The following GAS6 variants were observed in gnomAD, a reference collection of about 807,000 sequenced individuals.
The protein encoded by GAS6 is growth arrest-specific protein 6.
In GAS6, 41 loss-of-function variants were observed where a neutral mutation model predicts 75.8. That is an observed-to-expected ratio of 0.54 (90% CI 0.42 to 0.70). GAS6 has a LOEUF of 0.70. Among genes scored for constraint, GAS6 ranks in the 30% least tolerant of loss-of-function variants. GAS6 has a pLI of 0.00. For missense variants in GAS6, 854 were observed against 940.2 expected, an observed-to-expected ratio of 0.91 and a Z score of 1.20; for synonymous variants, 432 against 412.6, an observed-to-expected ratio of 1.05 and a Z score of -0.57.
intron 13 of GAS6, chr13:113,822,395 G>C: frequency 2.1e-6 from 1 of 477,114 alleles, no homozygotes; most frequent in Middle Eastern, 5.3e-4. Context: ...GTAAAGCCAG[G>C]GGCCAGCCTG....
rs774253972 is a variant in GAS6, at chr13:113,834,616, T to TCA, written c.768_769insTG (p.Ser257Ter). 2.5e-6 allele frequency: 4 copies of TCA among 1,604,342 alleles called. No individual in the cohort carries two copies. The highest frequency in any genetic ancestry group is 3.4e-6 in the Non-Finnish European group (4 of 1,176,388). On this transcript the variant is annotated frameshift_variant, in exon 8 of 15. Coordinates refer to ENST00000327773, the MANE Select transcript of GAS6 (RefSeq NM_000820.4). ...CGCCCGTCACAGTGGCAGGTGTAGC[T>TCA]CCCTGGGGAGTTCACGCAGACCTGC...
rs1469803473 is a variant in GAS6, at chr13:113,827,066, C to T, written c.1407G>A (p.Gln469=). The T allele has an allele frequency of 6.2e-7, 1 of 1,613,652 alleles. No individual in the cohort carries two copies. The highest frequency in any genetic ancestry group is 1.7e-5 in the Admixed American group (1 of 60,022). ...AGCCTCTCTCCGTCACCGAGAAGCACTGCATCCTCGTGTTCACTTTCACCG... is the reference window on the plus strand; with the variant it reads ...AGCCTCTCTCCGTCACCGAGAAGCATTGCATCCTCGTGTTCACTTTCACCG... ...QETVKVNTRM[Q]CFSVTERGSF... Residue 469 remains glutamine, a synonymous_variant, in exon 12 of 15, where the codon CAG becomes CAA. Coordinates refer to ENST00000327773, the MANE Select transcript of GAS6 (RefSeq NM_000820.4).
At chr13:113,860,160 G>A (rs188871562) in intron 2 of GAS6, among the ~76,000 whole-genome samples, 10 of 152,344 alleles carry the variant, frequency 6.6e-5, no homozygotes, top group Middle Eastern at 3.4e-3. Flanking sequence ...CACAGAGGGA[G>A]ACAAAGAAAG....
At position 113,821,083 on chromosome 13, in the gene GAS6, C is replaced by CA. The variant is rs113611778; in HGVS notation, c.1883-66dup. The CA allele has an allele frequency of 8.0e-4, 1,247 of 1,561,496 alleles. 11 individuals are homozygous for CA. In the African/African-American group the frequency reaches 0.015, roughly 19 times the overall value. On this transcript the variant is annotated intron_variant, in intron 14 of 14. Coordinates refer to ENST00000327773, the MANE Select transcript of GAS6 (RefSeq NM_000820.4). ...CGTGGCCGGCCCCGCCTGGCCCCCC[C>CA]ACCCCCGGCAGCGCTTGTGGCCAGC... is the stretch of plus-strand genomic sequence containing the variant.
chr13:113,835,913 C>G, intron 6 of GAS6: 3 of 1,249,522 alleles, frequency 2.4e-6, no homozygotes, highest in South Asian at 2.3e-5. Context: ...GGGTGGGGGG[C>G]GGCGGTGCAC....
intron 9 of GAS6, 59 bp downstream of exon 9, chr13:113,832,575 T>C: frequency 3.1e-6 from 5 of 1,606,362 alleles, no homozygotes; most frequent in Non-Finnish European, 4.3e-6. Context: ...GCCCGGGCCC[T>C]GTGAAGCCAG....
At chr13:113,832,204 G>A (rs1161194997) in intron 10 of GAS6, 95 bp downstream of exon 10, 1 of 1,351,976 alleles carries the variant, frequency 7.4e-7, no homozygotes, top group Non-Finnish European at 1.0e-6. Flanking sequence ...AGGCCCCAGA[G>A]CTCATCTCCT....
chr13:113,850,390 A>G (rs2051864026), intron 2 of GAS6, among the ~76,000 whole-genome samples: 1 of 152,078 alleles, frequency 6.6e-6, no homozygotes, highest in Non-Finnish European at 1.5e-5. Flanking sequence ...TTCTAAACCT[A>G]GGAAGAGCAA....
At chr13:113,852,417 G>C (rs897413939) in intron 2 of GAS6, among the ~76,000 whole-genome samples, 1 of 152,168 alleles carries the variant, frequency 6.6e-6, no homozygotes, top group African/African-American at 2.4e-5. Context: ...CTTCGGTTTC[G>C]TAAGCATGGA....
intron 6 of GAS6, 21 bp downstream of exon 6, chr13:113,838,048 G>A (rs768432435): frequency 3.1e-6 from 5 of 1,610,790 alleles, no homozygotes; most frequent in East Asian, 2.2e-5. Flanking sequence ...AGAGGAGAGA[G>A]GCCTCACCCC....
chr13:113,832,735 C>T lies in GAS6; in HGVS notation c.852G>A (p.Val284=). ...MDTCEDILPC[V]PFSVAKSVKS... ...TCACACTCTTGGCCACGCTGAAGGG[C>T]ACGCACGGCAAGATGTCCTGCCACG... The change falls in exon 9 of 15, where the codon GTG becomes GTA. Residue 284 remains valine (V), a synonymous_variant. Transcript: ENST00000327773. 6.2e-7 allele frequency: 1 copy of T among 1,612,696 alleles called. No individual in the cohort carries two copies.
At chr13:113,854,716 G>C (rs1025008855) in intron 2 of GAS6, among the ~76,000 whole-genome samples, 2 of 152,286 alleles carry the variant, frequency 1.3e-5, no homozygotes, top group Non-Finnish European at 2.9e-5. Context: ...GCAGAGCAGT[G>C]ACTGTCTCTG....
In GAS6 at chr13:113,864,031, C is replaced by CGGCGGA. The variant is rs1243556663; in HGVS notation, c.-112_-111insTCCGCC. 164 of 870,880 alleles carry CGGCGGA rather than the reference C, an allele frequency of 1.9e-4. No homozygotes were observed. Among genetic ancestry groups the CGGCGGA allele is most frequent in the Admixed American group, 3.0e-4 (5 of 16,430 alleles). 53.9% of individuals were successfully genotyped at this position (870,880 alleles called of 1,614,324 possible). ...CCTGGCGGCCCTGAAGGTCACATCG[C>CGGCGGA]GGCGGCGGCGGCGGCGGCGGCTGCG... On this transcript the variant is annotated 5_prime_UTR_variant, in exon 1 of 15. Coordinates refer to ENST00000327773, the MANE Select transcript of GAS6 (RefSeq NM_000820.4).
intron 2 of GAS6, among the ~76,000 whole-genome samples, chr13:113,854,923 G>A (rs1227885487): frequency 6.6e-6 from 1 of 152,216 alleles, no homozygotes; most frequent in Non-Finnish European, 1.5e-5. Context: ...GGGAGCAGAG[G>A]GCGGGGAGGA....
chr13:113,848,102 T>C lies in GAS6; in HGVS notation c.256-52A>G, dbSNP rs781529219. The C allele has an allele frequency of 6.3e-7, 1 of 1,588,218 alleles. No homozygotes were observed. Reference sequence around the variant, plus strand: ...AGCATTGACCGGCACACTACGAGGGTCTCTGAACAACATAAGCATCAGCTG... The same window carrying C: ...AGCATTGACCGGCACACTACGAGGGCCTCTGAACAACATAAGCATCAGCTG... On this transcript the variant is annotated intron_variant, in intron 2 of 14. Transcript: ENST00000327773. The surrounding 1 kb of genome is among the most constrained non-coding windows in gnomAD (Gnocchi z 4.8).
intron 11 of GAS6, among the ~76,000 whole-genome samples, 160 bp from the exon 12 acceptor site, chr13:113,827,324 C>T (rs973817136): frequency 6.6e-6 from 1 of 152,206 alleles, no homozygotes; most frequent in Non-Finnish European, 1.5e-5. Context: ...AAGGTTTCTT[C>T]ACTTTACACA....
At position 113,845,476 on chromosome 13, in the gene GAS6, C is replaced by G. The variant is rs1469476313; in HGVS notation, c.343+1051G>C. 6.7e-6 allele frequency: 1 copy of G among 150,008 alleles called. No homozygotes were observed. The allele number at this position is 150,008 out of a possible 1,614,324, so 9.3% of individuals were successfully genotyped here. The stretch of plus-strand genomic sequence containing the variant: ...CACGTGACGCCAGCGGACCACAGAC[C>G]CAGTGCAAGGGGAGCTGTGTGGGTT... On this transcript the variant is annotated intron_variant, in intron 4 of 14. Coordinates refer to ENST00000327773, the MANE Select transcript of GAS6 (RefSeq NM_000820.4). This position sits in a 1 kb window ranked among gnomAD's most constrained non-coding sequence, Gnocchi z 4.3.
intron 4 of GAS6, chr13:113,842,811 G>A (rs943037445): frequency 2.5e-6 from 1 of 396,892 alleles, no homozygotes; most frequent in Non-Finnish European, 4.4e-6. Flanking sequence ...GTGGACACCT[G>A]CCCATGTGAT....
At chr13:113,836,775 TG>T (rs1387295526) in intron 6 of GAS6, among the ~76,000 whole-genome samples, 2 of 5,454 alleles carry the variant, frequency 3.7e-4, no homozygotes, top group African/African-American at 1.4e-3. Context: ...AGAGGGGGAG[TG>T]GGGGGAGGAG....
Sources: allele counts gnomAD v4.1 joint callset (sites outside exome capture counted in the v4.1 genomes callset), GRCh38; gene constraint gnomAD v4.1.1; non-coding constraint Gnocchi (gnomAD v3.1); transcripts MANE v1.5; gene names NCBI Gene and HGNC (gene_info 2026-07-23, HGNC 2026-07-21).